Variants in PTPRB observed in about 807,000 individuals in gnomAD.
PTPRB encodes protein tyrosine phosphatase receptor type B, also known as receptor-type tyrosine-protein phosphatase beta.
A neutral mutation model predicts 238.1 loss-of-function variants in PTPRB; 97 were observed. The observed-to-expected ratio is 0.41, with a 90% CI of 0.35 to 0.48. PTPRB has a LOEUF of 0.48. PTPRB is among the 20% of genes least tolerant of loss of function. The probability of loss-of-function intolerance (pLI) is 0.30; values close to 1 mark genes in which losing one functional copy is unlikely to be tolerated. For missense variants in PTPRB, 2,292 were observed against 2,681.9 expected, an observed-to-expected ratio of 0.85 and a Z score of 3.21; for synonymous variants, 970 against 995.4, an observed-to-expected ratio of 0.97 and a Z score of 0.48.
chr12:70,535,941 C>T (rs962987602), intron 29 of PTPRB, 84 bp downstream of exon 29: 135 of 1,545,946 alleles, frequency 8.7e-5, no homozygotes, highest in Non-Finnish European at 1.1e-4. Flanking sequence ...CGTTGTTTTG[C>T]GGGGTTTCAC....
At chr12:70,543,617 A>AGAC (rs1875513188) in intron 22 of PTPRB, among the ~76,000 whole-genome samples, 1 of 152,188 alleles carries the variant, frequency 6.6e-6, no homozygotes, top group Admixed American at 6.5e-5. Flanking sequence ...GCAGCACGAG[A>AGAC]GACAGTTTTA....
At chr12:70,634,701 C>T (rs1885604772) in intron 2 of PTPRB, among the ~76,000 whole-genome samples, 1 of 152,190 alleles carries the variant, frequency 6.6e-6, no homozygotes, top group South Asian at 2.1e-4. Flanking sequence ...AAAATGTACA[C>T]TGAACAAAGA....
Position 70,539,030 on chromosome 12 carries a change from T to G in PTPRB, c.5779-16A>C. 6.3e-7 allele frequency: 1 copy of G among 1,590,030 alleles called. No homozygotes were observed. The highest frequency in any genetic ancestry group is 8.6e-7 in the Non-Finnish European group (1 of 1,158,906). ...CTTTTAACTCCTGTTAGGTCAAATA[T>G]GAGTTTGTAAGTGGAGAATATGAAA... is the stretch of plus-strand genomic sequence containing the variant. On this transcript the variant is annotated splice_polypyrimidine_tract_variant and intron_variant, in intron 26 of 33. Coordinates refer to ENST00000334414, the MANE Select transcript of PTPRB (RefSeq NM_001109754.4).
intron 3 of PTPRB, among the ~76,000 whole-genome samples, chr12:70,613,158 T>C (rs934616731): frequency 6.6e-6 from 1 of 151,966 alleles, no homozygotes; most frequent in Non-Finnish European, 1.5e-5. Context: ...GGCAGTGGTG[T>C]TGGATGGATG....
At chr12:70,529,060 C>T (rs1222786817) in intron 32 of PTPRB, among the ~76,000 whole-genome samples, 1 of 151,936 alleles carries the variant, frequency 6.6e-6, no homozygotes, top group African/African-American at 2.4e-5. Flanking sequence ...TGGAGAATAT[C>T]ACAAAGAATG....
chr12:70,632,571 G>C lies in PTPRB; in HGVS notation c.451+3100C>G, dbSNP rs1053329165. Reference sequence around the variant, plus strand: ...GTGCACATGCACCCTAGAACTTAAAGTATAATTAAAAAAAAAAAAGGAATG... The same window carrying C: ...GTGCACATGCACCCTAGAACTTAAACTATAATTAAAAAAAAAAAAGGAATG... On this transcript the variant is annotated intron_variant, in intron 2 of 33. Coordinates refer to ENST00000334414, the MANE Select transcript of PTPRB (RefSeq NM_001109754.4). Among the ~76,000 whole-genome samples, 20 of 149,432 alleles carry C rather than the reference G, an allele frequency of 1.3e-4. 1 individual carries two copies. The highest frequency in any genetic ancestry group is 1.2e-3 in the Admixed American group (18 of 14,986).
chr12:70,564,933 C>G (rs955665896), intron 15 of PTPRB, among the ~76,000 whole-genome samples: 9 of 151,084 alleles, frequency 6.0e-5, no homozygotes, highest in African/African-American at 2.2e-4. Context: ...GCTATCCCAC[C>G]TTCCTAACTT....
chr12:70,636,867 C>T (rs1234169156), intron 1 of PTPRB, among the ~76,000 whole-genome samples: 2 of 152,202 alleles, frequency 1.3e-5, no homozygotes, highest in Admixed American at 6.5e-5. Context: ...TGAGGTTTTA[C>T]TTAAATTGCC....
At chr12:70,525,188 AG>A (rs1872246428) in intron 32 of PTPRB, among the ~76,000 whole-genome samples, 1 of 152,160 alleles carries the variant, frequency 6.6e-6, no homozygotes, top group East Asian at 1.9e-4. Context: ...AACTTCTCCA[AG>A]GTCACACAGC....
intron 32 of PTPRB, among the ~76,000 whole-genome samples, chr12:70,524,895 GTA>G (rs1405507912): frequency 6.6e-5 from 10 of 150,524 alleles, no homozygotes; most frequent in East Asian, 1.9e-4. Context: ...GTATATATGT[GTA>G]TATATGTGTA....
intron 2 of PTPRB, among the ~76,000 whole-genome samples, chr12:70,626,319 C>CGTGCCTTTTTAACAGAGAGCAAATCA (rs1885184627): frequency 7.3e-6 from 1 of 137,330 alleles, no homozygotes; most frequent in African/African-American, 2.8e-5. Flanking sequence ...ATCTATCTAT[C>CGTGCCTTTTTAACAGAGAGCAAATCA]TATCTATCTA....
At chr12:70,541,103 C>T (rs1277100037) in intron 22 of PTPRB, 146 bp from the exon 23 acceptor site, 1 of 684,466 alleles carries the variant, frequency 1.5e-6, no homozygotes, top group Non-Finnish European at 2.5e-6. Context: ...ATTTACTTTC[C>T]AAAGGCTCTG....
intron 29 of PTPRB, among the ~76,000 whole-genome samples, chr12:70,535,224 G>GTTTT: frequency 1.2e-5 from 1 of 82,004 alleles, no homozygotes; most frequent in South Asian, 6.0e-4. Context: ...TATGGCTTGA[G>GTTTT]TTTTTTTTTT....
intron 2 of PTPRB, among the ~76,000 whole-genome samples, chr12:70,627,197 G>A (rs959956536): frequency 4.6e-5 from 7 of 152,110 alleles, no homozygotes; most frequent in Non-Finnish European, 1.0e-4. Context: ...ATAGTAGGGT[G>A]GAAGGAAGGC....
intron 3 of PTPRB, chr12:70,609,926 A>C (rs1044436874): frequency 2.0e-6 from 2 of 992,616 alleles, no homozygotes; most frequent in Non-Finnish European, 2.7e-6. Context: ...CCGTGGGCGC[A>C]GCGCGCTTCC....
Position 70,571,260 on chromosome 12 carries a change from G to A in PTPRB, c.3136C>T (p.Arg1046Cys), listed in dbSNP as rs746899191. Residue 1046 changes from arginine (R) to cysteine (C), a missense_variant, in exon 13 of 34, where the codon CGC (arginine) becomes TGC (cysteine). By Grantham distance (180) the Arg-to-Cys change is radical. This residue lies in a region of PTPRB where 1,205 missense variants were observed against 1,287.8 expected (regional missense o/e 0.94). Coordinates refer to ENST00000334414, the MANE Select transcript of PTPRB (RefSeq NM_001109754.4). ...TGCAAGTCCTCAGTGCTCCTGTTGC[G>A]CAATGTTAGATCCTTAACAGGCTCT... is the stretch of plus-strand genomic sequence containing the variant. The part of the protein sequence containing the change: ...IPEPVKDLTL[R>C]NRSTEDLHVT... 59 of 1,607,216 alleles carry A rather than the reference G, an allele frequency of 3.7e-5. No individual in the cohort carries two copies. The highest frequency in any genetic ancestry group is 1.6e-4 in the Middle Eastern group (1 of 6,070).
At chr12:70,570,919 C>T in intron 13 of PTPRB, 107 bp downstream of exon 13, 5 of 1,216,994 alleles carry the variant, frequency 4.1e-6, no homozygotes, top group Non-Finnish European at 5.7e-6. Context: ...TCCCTTCTTG[C>T]TGTCTCCCTT....
chr12:70,629,072 A>G (rs566738016), intron 2 of PTPRB, among the ~76,000 whole-genome samples: 12 of 152,320 alleles, frequency 7.9e-5, no homozygotes, highest in Non-Finnish European at 1.6e-4. Flanking sequence ...TTCAGGAAGA[A>G]GAAGTGGTTA....
intron 22 of PTPRB, 92 bp downstream of exon 22, chr12:70,544,465 T>C: frequency 1.2e-6 from 1 of 857,522 alleles, no homozygotes; most frequent in East Asian, 2.6e-5. Flanking sequence ...TGAAAATAAA[T>C]GTTCCCCCCA....
Sources: gnomAD v4.1 joint callset for allele counts (sites outside exome capture counted in the v4.1 genomes callset) on GRCh38, gnomAD v4.1.1 for gene constraint, gnomAD v4.1.1 regional missense constraint, MANE v1.5 for transcripts, NCBI Gene and HGNC (gene_info 2026-07-23, HGNC 2026-07-21) for gene names.